Variants in FER1L6 observed in about 807,000 individuals in gnomAD.
FER1L6 encodes the protein fer-1-like protein 6.
A neutral mutation model predicts 219.2 loss-of-function variants in FER1L6; 177 were observed. The observed-to-expected ratio is 0.81, with a 90% CI of 0.71 to 0.91. FER1L6 has a LOEUF of 0.91. FER1L6 is among the 40% of genes least tolerant of loss of function. The pLI, the probability that FER1L6 is intolerant of heterozygous loss-of-function variation, is 0.00. For missense variants in FER1L6, 2,153 were observed against 2,259.9 expected (o/e 0.95, Z 0.96); for synonymous variants, 768 against 824.3 (o/e 0.93, Z 1.17).
In FER1L6 at chr8:124,081,605, C is replaced by CAAAAAAAA. The variant is rs1243602409; in HGVS notation, c.4221-670_4221-663dup. Among the ~76,000 whole-genome samples the CAAAAAAAA allele has an allele frequency of 3.8e-5, 2 of 53,028 alleles. 1 individual carries two copies. The highest frequency in any genetic ancestry group is 8.3e-5 in the Non-Finnish European group (2 of 24,202). The allele number at this position is 53,028 out of a possible 152,430, so 34.8% of individuals were successfully genotyped here. On this transcript the variant is annotated intron_variant, in intron 32 of 40. Coordinates refer to ENST00000522917, the MANE Select transcript of FER1L6 (RefSeq NM_001039112.2). Reference sequence around the variant, plus strand: ...GTGCAGGCTCCAGCAATGCAGAGACCAAAAAAAAAAAAAAAAAAAAGGGCA... The same window carrying CAAAAAAAA: ...GTGCAGGCTCCAGCAATGCAGAGACCAAAAAAAAAAAAAAAAAAAAAAAAAAAAGGGCA...
At chr8:124,052,787 A>G (rs567597767) in intron 22 of FER1L6, among the ~76,000 whole-genome samples, 1 of 152,296 alleles carries the variant, frequency 6.6e-6, no homozygotes, top group South Asian at 2.1e-4. Flanking sequence ...TCTGTCTCAA[A>G]AAAACAAACA....
intron 1 of FER1L6, among the ~76,000 whole-genome samples, chr8:123,889,916 G>A (rs1812609193): frequency 6.6e-6 from 1 of 152,166 alleles, no homozygotes; most frequent in East Asian, 1.9e-4. Context: ...TTGTTTCTCT[G>A]TATGTCTATC....
chr8:124,005,427 TG>T (rs1230265497), intron 13 of FER1L6, among the ~76,000 whole-genome samples: 6 of 152,252 alleles, frequency 3.9e-5, no homozygotes. Context: ...GTGCTGCTTC[TG>T]GACCTTAGAA....
chr8:124,045,848 C>G lies in FER1L6; in HGVS notation c.2671C>G (p.Leu891Val). Residue 891 changes from leucine to valine, a missense_variant, in exon 21 of 41, where the codon CTG becomes GTG. Physicochemically the swap from Leu to Val is conservative, Grantham distance 32. Transcript: ENST00000522917. ...GGTGCTGCATGGAGATGTGAAGGAG[C>G]TGGCAGAGTCCCCGCCCTTAGTGGT... ...DLVLHGDVKE[L>V]AESPPLVVVE... 6.2e-7 allele frequency: 1 copy of G among 1,614,106 alleles called. No individual in the cohort carries two copies. Among genetic ancestry groups the G allele is most frequent in the Non-Finnish European group, 8.5e-7 (1 of 1,180,008 alleles).
chr8:123,980,883 G>A, intron 11 of FER1L6, 72 bp downstream of exon 11: 2 of 1,277,284 alleles, frequency 1.6e-6, no homozygotes, highest in Non-Finnish European at 2.2e-6. Flanking sequence ...CCTGCCACAG[G>A]TTCCTGAAGG....
In FER1L6 at chr8:124,119,748, CT is replaced by C; in HGVS notation, c.5534del (p.Leu1845CysfsTer26). ...TCTTCCTCGTCCTTTTCATCTACAC[CT>C]TGCCAGGAGCCATCAGCCGAAGGAT... The part of the protein sequence containing the change: ...IIFLVLFIYT[L>X]PGAISRRIVV... On this transcript the variant is annotated frameshift_variant, in exon 41 of 41. Coordinates refer to ENST00000522917, the MANE Select transcript of FER1L6 (RefSeq NM_001039112.2). LOFTEE classifies it high-confidence loss of function. 6.2e-7 allele frequency: 1 copy of C among 1,614,066 alleles called. No individual in the cohort carries two copies. The highest frequency in any genetic ancestry group is 8.5e-7 in the Non-Finnish European group (1 of 1,179,980).
intron 21 of FER1L6, among the ~76,000 whole-genome samples, chr8:124,048,321 G>C (rs1359537366): frequency 6.6e-6 from 1 of 152,214 alleles, no homozygotes; most frequent in East Asian, 1.9e-4. Context: ...CACTCAGCCA[G>C]CATGCATTGA....
At chr8:123,981,898 G>A (rs868576124) in intron 11 of FER1L6, among the ~76,000 whole-genome samples, 38 of 152,292 alleles carry the variant, frequency 2.5e-4, no homozygotes, top group African/African-American at 8.7e-4. Context: ...CACATACATA[G>A]GAAGTAGGCA....
chr8:123,891,191 C>T lies in FER1L6; in HGVS notation c.-8+39006C>T, dbSNP rs529790563. ...TGTGTATCTGAAAACAAAATAGGTACAAGCGTGGCACTGGTTTGAAGATTT... is the reference window on the plus strand; with the variant it reads ...TGTGTATCTGAAAACAAAATAGGTATAAGCGTGGCACTGGTTTGAAGATTT... On this transcript the variant is annotated intron_variant, in intron 1 of 40. Coordinates refer to ENST00000522917, the MANE Select transcript of FER1L6 (RefSeq NM_001039112.2). 1.6e-4 allele frequency among the ~76,000 whole-genome samples: 24 copies of T among 152,194 alleles called. 1 individual carries two copies. Among genetic ancestry groups the T allele is most frequent in the Admixed American group, 1.5e-3 (23 of 15,276 alleles).
rs1816536017 is a variant in FER1L6, at chr8:123,852,687, A to T, written c.-8+502A>T. Among the ~76,000 whole-genome samples the T allele has an allele frequency of 6.6e-6, 1 of 152,190 alleles. No homozygotes were observed. The highest frequency in any genetic ancestry group is 2.1e-4 in the South Asian group (1 of 4,832). ...TATTTTACAGAAAAGTTGCAAAGAT[A>T]ATTGAGTTCTCTTAAATTTCTCACT... On this transcript the variant is annotated intron_variant, in intron 1 of 40. Transcript: ENST00000522917. The surrounding 1 kb of genome is among the most constrained non-coding windows in gnomAD (Gnocchi z 4.9).
intron 1 of FER1L6, among the ~76,000 whole-genome samples, chr8:123,861,838 G>A (rs1816750903): frequency 7.1e-6 from 1 of 141,582 alleles, no homozygotes; most frequent in Non-Finnish European, 1.5e-5. Context: ...TGTATCCTGA[G>A]ACTTTGCTGA....
intron 1 of FER1L6, among the ~76,000 whole-genome samples, chr8:123,946,622 C>T (rs549226454): frequency 7.5e-4 from 114 of 152,326 alleles, no homozygotes; most frequent in Admixed American, 1.7e-3. Context: ...ATTATTCAAA[C>T]TCATTAATAT....
chr8:124,027,127 C>A (rs972733202), intron 18 of FER1L6, among the ~76,000 whole-genome samples: 1 of 152,122 alleles, frequency 6.6e-6, no homozygotes, highest in African/African-American at 2.4e-5. Flanking sequence ...CTACCCTACT[C>A]CAGTACAATG....
At chr8:124,080,743 A>G (rs1471901504) in intron 32 of FER1L6, among the ~76,000 whole-genome samples, 1 of 152,206 alleles carries the variant, frequency 6.6e-6, no homozygotes, top group African/African-American at 2.4e-5. Context: ...GCAGCAGTTA[A>G]GCCCTTAATA....
At chr8:123,986,922 T>C (rs369378644) in intron 12 of FER1L6, among the ~76,000 whole-genome samples, 1 of 152,230 alleles carries the variant, frequency 6.6e-6, no homozygotes, top group South Asian at 2.1e-4. Context: ...CATCTGTTGA[T>C]GGACATTTAG....
At position 124,064,616 on chromosome 8, in the gene FER1L6, G is replaced by C. The variant is rs764483835; in HGVS notation, c.3555+43G>C. 6 of 1,561,686 alleles carry C rather than the reference G, an allele frequency of 3.8e-6. No individual in the cohort carries two copies. In the South Asian group the frequency reaches 5.8e-5, roughly 15 times the overall value. ...CTCTATATTTACAAGGCTCATTGGA[G>C]TTTGCATTGCAGGTCTCAGACAATA... On this transcript the variant is annotated intron_variant, in intron 26 of 40. Transcript: ENST00000522917.
rs141395362 is a variant in FER1L6 at position 123,952,057 on chromosome 8, C to T, written c.-7-3935C>T. Among the ~76,000 whole-genome samples the T allele has an allele frequency of 1.1e-3, 167 of 152,276 alleles. 2 individuals carry two copies. Among genetic ancestry groups the T allele is most frequent in the East Asian group, 9.6e-3 (50 of 5,182 alleles). On this transcript the variant is annotated intron_variant, in intron 1 of 40. Transcript: ENST00000522917. ...AGCAATTTTCTAATCCTGGCTTTGC[C>T]GAGCGGTGGACATGACATTACATTA...
At chr8:124,057,776 TA>T (rs1820372437) in intron 22 of FER1L6, among the ~76,000 whole-genome samples, 1 of 152,220 alleles carries the variant, frequency 6.6e-6, no homozygotes, top group South Asian at 2.1e-4. Context: ...GCCTCTTTTT[TA>T]AAACCTATTC....
At chr8:124,028,069 C>T (rs1289604623) in intron 18 of FER1L6, among the ~76,000 whole-genome samples, 2 of 152,210 alleles carry the variant, frequency 1.3e-5, no homozygotes, top group Non-Finnish European at 2.9e-5. Flanking sequence ...TAAAGTTACT[C>T]ACTTCTAAAT....
Sources: allele counts gnomAD v4.1 joint callset (sites outside exome capture counted in the v4.1 genomes callset), GRCh38; gene constraint gnomAD v4.1.1; non-coding constraint Gnocchi (gnomAD v3.1); transcripts MANE v1.5; gene names NCBI Gene and HGNC (gene_info 2026-07-23, HGNC 2026-07-21).